The following TNS3 variants were observed in gnomAD, a reference collection of about 807,000 sequenced individuals.
TNS3 encodes tensin 3.
A neutral mutation model predicts 140.9 loss-of-function variants in TNS3; 45 were observed. The ratio of observed to expected loss-of-function variants is 0.32; its 90% CI spans 0.25 to 0.41. The LOEUF (loss-of-function observed/expected upper bound fraction) is 0.41, where lower values mean the gene tolerates loss of function less well. Among genes scored for constraint, TNS3 ranks in the 10% least tolerant of loss-of-function variants. TNS3 has a pLI of 1.00. For missense variants in TNS3, 1,716 were observed against 1,906.7 expected (o/e 0.90, Z 1.86); for synonymous variants, 815 against 788.4 (o/e 1.03, Z -0.56).
intron 20 of TNS3, among the ~76,000 whole-genome samples, chr7:47,311,270 G>T (rs376758325): frequency 2.6e-5 from 4 of 152,150 alleles, no homozygotes; most frequent in Non-Finnish European, 5.9e-5. Flanking sequence ...CTGGGGGCAG[G>T]GGGAGGGATA....
chr7:47,287,511 G>A (rs1785482854), intron 27 of TNS3, among the ~76,000 whole-genome samples: 1 of 152,182 alleles, frequency 6.6e-6, no homozygotes, highest in Admixed American at 6.5e-5. Flanking sequence ...GTTCAGTTTA[G>A]GAAAGAAAAC....
At chr7:47,568,073 C>T (rs543903037) in intron 1 of TNS3, among the ~76,000 whole-genome samples, 1 of 152,210 alleles carries the variant, frequency 6.6e-6, no homozygotes, top group Non-Finnish European at 1.5e-5. Flanking sequence ...TGGGAGCTCC[C>T]CCAAGACCCT....
rs1435751642 is a variant in TNS3 at position 47,277,241 on chromosome 7, A to C, written c.*835T>G. On this transcript the variant is annotated 3_prime_UTR_variant, in exon 31 of 31. Coordinates refer to ENST00000311160, the MANE Select transcript of TNS3 (RefSeq NM_022748.12). The stretch of plus-strand genomic sequence containing the variant: ...GCAGCATTTGACACTGGTACAGTAT[A>C]GCAATGGCAAATTATCATAAATAAT... 6.6e-6 allele frequency: 1 copy of C among 152,368 alleles called. No individual in the cohort carries two copies. Among genetic ancestry groups the C allele is most frequent in the Non-Finnish European group, 1.5e-5 (1 of 68,148 alleles). The allele number at this position is 152,368 out of a possible 1,614,324, so 9.4% of individuals were successfully genotyped here.
Position 47,481,613 on chromosome 7 carries a change from T to C in TNS3, c.-114-472A>G, listed in dbSNP as rs80165914. The C allele has an allele frequency of 4.8e-5, 47 of 969,288 alleles. No homozygotes were observed. In the East Asian group the frequency reaches 3.5e-3, roughly 73 times the overall value. 60.0% of individuals were successfully genotyped at this position (969,288 alleles called of 1,614,324 possible). A position where few individuals can be genotyped will look rare whatever the true frequency, so the allele number is the denominator to read the frequency against. On this transcript the variant is annotated intron_variant, in intron 3 of 30. Transcript: ENST00000311160. ...GGGCCATCTTTTCTAGAACTATTTCTACAAGTAGAACTGAAGAGTCTGAAT... is the reference window on the plus strand; with the variant it reads ...GGGCCATCTTTTCTAGAACTATTTCCACAAGTAGAACTGAAGAGTCTGAAT...
At chr7:47,462,985 A>C (rs561532007) in intron 4 of TNS3, among the ~76,000 whole-genome samples, 169 of 152,310 alleles carry the variant, frequency 1.1e-3, no homozygotes, top group Non-Finnish European at 1.7e-3. Flanking sequence ...AATGGACCCT[A>C]ATCAATGCCT....
At chr7:47,340,123 T>A (rs1224484303) in intron 20 of TNS3, among the ~76,000 whole-genome samples, 147 of 75,118 alleles carry the variant, frequency 2.0e-3, no homozygotes, top group African/African-American at 5.0e-3. Flanking sequence ...ATATTTTTTT[T>A]TTTTTTTTTT....
intron 10 of TNS3, among the ~76,000 whole-genome samples, chr7:47,423,423 G>A (rs886530970): frequency 6.6e-6 from 1 of 152,194 alleles, no homozygotes; most frequent in African/African-American, 2.4e-5. Context: ...CTGCTGGGGT[G>A]GGCAGCAAAA....
chr7:47,385,048 C>T (rs1044891184), intron 16 of TNS3, among the ~76,000 whole-genome samples: 1 of 152,240 alleles, frequency 6.6e-6, no homozygotes, highest in African/African-American at 2.4e-5. Flanking sequence ...AACAGACAAC[C>T]TCGCCTGCCT....
At chr7:47,355,958 C>G (rs530081897) in intron 17 of TNS3, among the ~76,000 whole-genome samples, 5 of 152,320 alleles carry the variant, frequency 3.3e-5, no homozygotes, top group Non-Finnish European at 5.9e-5. Flanking sequence ...ACTGCATTCT[C>G]TCCACTGTGG....
At position 47,493,257 on chromosome 7, in the gene TNS3, T is replaced by TCTCA. The variant is rs1441736152; in HGVS notation, c.-114-12120_-114-12117dup. Reference sequence around the variant, plus strand: ...AGACTTTGGGTCAGTTGTCTCAACCTCTCATTCATTCATTCATTGCAGAAT... The same window carrying TCTCA: ...AGACTTTGGGTCAGTTGTCTCAACCTCTCACTCATTCATTCATTCATTGCAGAAT... On this transcript the variant is annotated intron_variant, in intron 3 of 30. Transcript: ENST00000311160. 5.8e-4 allele frequency among the ~76,000 whole-genome samples: 88 copies of TCTCA among 152,280 alleles called. No individual in the cohort carries two copies. In the Middle Eastern group the frequency reaches 0.01, roughly 18 times the overall value.
At chr7:47,525,913 A>T (rs1799174357) in intron 2 of TNS3, among the ~76,000 whole-genome samples, 1 of 152,236 alleles carries the variant, frequency 6.6e-6, no homozygotes, top group Non-Finnish European at 1.5e-5. Flanking sequence ...GAACCAGAGG[A>T]TCAATCTGGG....
chr7:47,301,407 C>T (rs1364806610), intron 23 of TNS3, among the ~76,000 whole-genome samples: 3 of 152,042 alleles, frequency 2.0e-5, no homozygotes, highest in Non-Finnish European at 4.4e-5. Flanking sequence ...GAGGAAGGTA[C>T]GCTCAGCTGA....
intron 23 of TNS3, among the ~76,000 whole-genome samples, chr7:47,298,236 G>A (rs1160674428): frequency 2.0e-5 from 3 of 152,246 alleles, no homozygotes; most frequent in East Asian, 3.9e-4. Context: ...CATGGCTGAT[G>A]TGGCCAAATG....
intron 17 of TNS3, among the ~76,000 whole-genome samples, chr7:47,346,587 G>A (rs11978647): frequency 6.6e-6 from 1 of 152,202 alleles, no homozygotes; most frequent in Admixed American, 6.5e-5. Context: ...AGCTTCCCCA[G>A]GCCAGCATGC....
intron 13 of TNS3, among the ~76,000 whole-genome samples, chr7:47,403,680 A>T (rs1175051624): frequency 6.6e-6 from 1 of 152,222 alleles, no homozygotes; most frequent in Non-Finnish European, 1.5e-5. Flanking sequence ...CTTCTGAAAG[A>T]CACGGAAAAC....
At chr7:47,478,055 C>G (rs546179638) in intron 4 of TNS3, among the ~76,000 whole-genome samples, 1 of 152,340 alleles carries the variant, frequency 6.6e-6, no homozygotes, top group Non-Finnish European at 1.5e-5. Flanking sequence ...AAGGCCCTCT[C>G]ATGACCCCAC....
intron 15 of TNS3, among the ~76,000 whole-genome samples, chr7:47,399,887 A>G (rs533668256): frequency 8.5e-5 from 13 of 152,174 alleles, no homozygotes; most frequent in African/African-American, 2.9e-4. Flanking sequence ...AGTAAACAGA[A>G]CCCACAGAGT....
chr7:47,514,968 G>A (rs1322330430), intron 2 of TNS3, among the ~76,000 whole-genome samples: 1 of 152,208 alleles, frequency 6.6e-6, no homozygotes, highest in Admixed American at 6.5e-5. Context: ...GACATGTAGT[G>A]AGAACGGGTT....
At chr7:47,447,066 T>A (rs562276035) in intron 4 of TNS3, among the ~76,000 whole-genome samples, 1 of 77,710 alleles carries the variant, frequency 1.3e-5, no homozygotes, top group South Asian at 4.0e-4. Flanking sequence ...CCCCATGGGC[T>A]CAATGAGGTC....
Sources: gnomAD v4.1 joint callset for allele counts (sites outside exome capture counted in the v4.1 genomes callset) on GRCh38, gnomAD v4.1.1 for gene constraint, MANE v1.5 for transcripts, NCBI Gene and HGNC (gene_info 2026-07-23, HGNC 2026-07-21) for gene names.